KCNQ5: variants seen among roughly 807,000 people sequenced by gnomAD.
KCNQ5 encodes potassium voltage-gated channel subfamily Q member 5, also known as potassium voltage-gated channel subfamily KQT member 5.
In KCNQ5, 30 loss-of-function variants were observed where a neutral mutation model predicts 98.2. The observed-to-expected ratio is 0.31, with a 90% CI of 0.23 to 0.41. The LOEUF is 0.41. Among genes scored for constraint, KCNQ5 ranks in the 10% least tolerant of loss-of-function variants. The pLI, the probability that KCNQ5 is intolerant of heterozygous loss-of-function variation, is 1.00. For missense variants in KCNQ5, 835 were observed against 1,182.5 expected, an observed-to-expected ratio of 0.71 and a Z score of 4.31; for synonymous variants, 458 against 449.4, an observed-to-expected ratio of 1.02 and a Z score of -0.24.
At chr6:72,707,445 C>T (rs977654160) in intron 1 of KCNQ5, among the ~76,000 whole-genome samples, 1 of 151,978 alleles carries the variant, frequency 6.6e-6, no homozygotes, top group Non-Finnish European at 1.5e-5. Flanking sequence ...TTAAAAATGA[C>T]GTTGTTATAC....
intron 1 of KCNQ5, among the ~76,000 whole-genome samples, chr6:72,644,475 C>G (rs73533661): frequency 0.15 from 22,910 of 152,040 alleles, 1,851 homozygotes; most frequent in East Asian, 0.23. Flanking sequence ...TTTGGCTGGT[C>G]TGCACATGTC....
intron 1 of KCNQ5, among the ~76,000 whole-genome samples, chr6:72,634,416 C>A (rs1217344934): frequency 1.3e-5 from 2 of 152,116 alleles, no homozygotes; most frequent in South Asian, 2.1e-4. Context: ...TCCTTAATTA[C>A]ATTATTACAT....
chr6:73,068,599 C>T (rs974129178), intron 3 of KCNQ5, among the ~76,000 whole-genome samples: 1 of 152,100 alleles, frequency 6.6e-6, no homozygotes, highest in Non-Finnish European at 1.5e-5. Flanking sequence ...AACTGAGGCA[C>T]AGAAAGATTC....
intron 1 of KCNQ5, among the ~76,000 whole-genome samples, chr6:72,799,352 C>T (rs1026646961): frequency 1.1e-4 from 17 of 152,140 alleles, no homozygotes; most frequent in Admixed American, 2.6e-4. Context: ...TAGATGTTAA[C>T]CACATCTACA....
intron 1 of KCNQ5, among the ~76,000 whole-genome samples, chr6:72,769,773 G>C (rs1387023394): frequency 1.3e-5 from 2 of 152,052 alleles, no homozygotes; most frequent in Admixed American, 6.6e-5. Flanking sequence ...TTGTATAAAG[G>C]ACAAGAAGTT....
intron 1 of KCNQ5, among the ~76,000 whole-genome samples, chr6:72,827,174 G>T (rs1385485517): frequency 1.3e-5 from 2 of 152,086 alleles, no homozygotes; most frequent in East Asian, 3.8e-4. Flanking sequence ...TGAATAGTGT[G>T]GCAATAAACA....
At chr6:72,624,798 A>G (rs2098917243) in intron 1 of KCNQ5, among the ~76,000 whole-genome samples, 1 of 152,250 alleles carries the variant, frequency 6.6e-6, no homozygotes. Flanking sequence ...AATGGATAGT[A>G]TCATCTTTTG....
In KCNQ5 at chr6:72,813,858, A is replaced by T. The variant is rs532349155; in HGVS notation, c.399-190050A>T. Among the ~76,000 whole-genome samples the T allele has an allele frequency of 5.3e-5, 8 of 152,178 alleles. No homozygotes were observed. In the East Asian group the frequency reaches 1.5e-3, roughly 29 times the overall value. ...TTGTTGCAATGTTATTATTTTTTCA[A>T]ATATTCTTGTCCTCTTGTTGGTTGA... On this transcript the variant is annotated intron_variant, in intron 1 of 13. Coordinates refer to ENST00000370398, the MANE Select transcript of KCNQ5 (RefSeq NM_019842.4).
chr6:72,854,758 T>G (rs56014186), intron 1 of KCNQ5, among the ~76,000 whole-genome samples: 10 of 127,152 alleles, frequency 7.9e-5, no homozygotes, highest in Non-Finnish European at 1.2e-4. Flanking sequence ...ACACCATGGT[T>G]TGTGTGTGTG....
At chr6:72,962,000 A>T (rs1767379080) in intron 1 of KCNQ5, among the ~76,000 whole-genome samples, 1 of 151,504 alleles carries the variant, frequency 6.6e-6, no homozygotes, top group African/African-American at 2.4e-5. Context: ...AACATGGTGA[A>T]ACCCCGTATC....
intron 10 of KCNQ5, among the ~76,000 whole-genome samples, chr6:73,151,808 G>C (rs79442723): frequency 6.6e-6 from 1 of 152,052 alleles, no homozygotes; most frequent in African/African-American, 2.4e-5. Flanking sequence ...TCAGGATCTT[G>C]TGTTTTTGTC....
At chr6:72,735,033 C>T in intron 1 of KCNQ5, among the ~76,000 whole-genome samples, 1 of 152,100 alleles carries the variant, frequency 6.6e-6, no homozygotes, top group East Asian at 1.9e-4. Flanking sequence ...AGAGGAAGGC[C>T]ATTGGTTAGA....
At position 72,651,802 on chromosome 6, in the gene KCNQ5, G is replaced by A. The variant is rs561997328; in HGVS notation, c.398+29215G>A. On this transcript the variant is annotated intron_variant, in intron 1 of 13. Transcript: ENST00000370398. The stretch of plus-strand genomic sequence containing the variant: ...AAATAGAATAACTCAAGGAGAGCAA[G>A]CAGACAGCTGGAATTTTTGGGAAAT... 2.6e-5 allele frequency among the ~76,000 whole-genome samples: 4 copies of A among 152,094 alleles called. No individual in the cohort carries two copies. In the East Asian group the frequency reaches 7.7e-4, roughly 29 times the overall value.
chr6:72,873,356 G>T lies in KCNQ5; in HGVS notation c.399-130552G>T, dbSNP rs567765795. Among the ~76,000 whole-genome samples the T allele has an allele frequency of 3.2e-4, 48 of 152,124 alleles. 1 individual carries two copies. The South Asian group carries it at 9.1e-3, about 29-fold the overall frequency. Reference sequence around the variant, plus strand: ...TTTAAGGTTCTGTGTTACATCTGTCGCCAATATGGTGTGCCCTTCCTGAAG... The same window carrying T: ...TTTAAGGTTCTGTGTTACATCTGTCTCCAATATGGTGTGCCCTTCCTGAAG... On this transcript the variant is annotated intron_variant, in intron 1 of 13. Transcript: ENST00000370398.
intron 1 of KCNQ5, among the ~76,000 whole-genome samples, chr6:72,742,103 A>G (rs1003740161): frequency 6.6e-6 from 1 of 152,124 alleles, no homozygotes; most frequent in African/African-American, 2.4e-5. Context: ...TCGCTTGGGG[A>G]TGAATTCTAT....
At chr6:73,175,994 G>A (rs1468551798) in intron 11 of KCNQ5, among the ~76,000 whole-genome samples, 2 of 152,204 alleles carry the variant, frequency 1.3e-5, no homozygotes, top group Non-Finnish European at 2.9e-5. Context: ...AGAAGTGAAG[G>A]TGGCATTAGA....
At chr6:72,715,317 A>G (rs1769592393) in intron 1 of KCNQ5, among the ~76,000 whole-genome samples, 1 of 152,176 alleles carries the variant, frequency 6.6e-6, no homozygotes, top group Admixed American at 6.5e-5. Context: ...ACGGTTACAT[A>G]CCTGAGTGCA....
At chr6:72,904,994 C>T (rs1222448980) in intron 1 of KCNQ5, among the ~76,000 whole-genome samples, 1 of 152,064 alleles carries the variant, frequency 6.6e-6, no homozygotes, top group Non-Finnish European at 1.5e-5. Flanking sequence ...TTATCTTCTC[C>T]CTCAGGAATG....
chr6:73,165,873 A>T (rs1162828136), intron 10 of KCNQ5, among the ~76,000 whole-genome samples: 2 of 151,352 alleles, frequency 1.3e-5, no homozygotes, highest in Non-Finnish European at 2.9e-5. Flanking sequence ...TGAACCCGGG[A>T]GGCGGAGGTT....
Sources: allele counts gnomAD v4.1 joint callset (sites outside exome capture counted in the v4.1 genomes callset), GRCh38; gene constraint gnomAD v4.1.1; transcripts MANE v1.5; gene names NCBI Gene and HGNC (gene_info 2026-07-23, HGNC 2026-07-21).